The following PLB1 variants were observed in gnomAD, a reference collection of about 807,000 sequenced individuals.
PLB1 encodes the protein phospholipase B1.
In PLB1, 242 loss-of-function variants were observed where a neutral mutation model predicts 227.4. The ratio of observed to expected loss-of-function variants is 1.06; its 90% CI spans 0.96 to 1.18. PLB1 has a LOEUF of 1.18. Among genes scored for constraint, PLB1 ranks in the 50% most tolerant of loss-of-function variants. The pLI is 0.00. For synonymous variants in PLB1, 757 were observed against 682.2 expected (o/e 1.11, Z -1.71); for missense variants, 1,858 against 1,816.3 (o/e 1.02, Z -0.42).
chr2:28,609,069 C>T (rs1475486779), intron 43 of PLB1, among the ~76,000 whole-genome samples: 1 of 152,142 alleles, frequency 6.6e-6, no homozygotes, highest in Non-Finnish European at 1.5e-5. Context: ...GCATGCACCA[C>T]CATGCCCAGC....
chr2:28,563,688 C>T (rs902793121), intron 18 of PLB1, among the ~76,000 whole-genome samples: 1 of 152,112 alleles, frequency 6.6e-6, no homozygotes, highest in African/African-American at 2.4e-5. Context: ...AAAGCACTAT[C>T]CATGAAAAGC....
intron 57 of PLB1, among the ~76,000 whole-genome samples, chr2:28,641,766 C>T (rs1169702678): frequency 1.3e-5 from 2 of 152,082 alleles, no homozygotes; most frequent in African/African-American, 4.8e-5. Flanking sequence ...ACCTTCGAAG[C>T]CTGTGACTTG....
At chr2:28,532,927 A>G (rs565060001) in intron 9 of PLB1, among the ~76,000 whole-genome samples, 1 of 152,230 alleles carries the variant, frequency 6.6e-6, no homozygotes, top group South Asian at 2.1e-4. Flanking sequence ...TCAGATTAGG[A>G]TCAGTTGAAA....
At chr2:28,582,256 T>C (rs1680155268) in intron 24 of PLB1, 123 bp downstream of exon 24, 2 of 1,247,922 alleles carry the variant, frequency 1.6e-6, no homozygotes, top group Non-Finnish European at 2.3e-6. Flanking sequence ...CCCAAATGCA[T>C]AGAGGGGGAG....
Position 28,541,790 on chromosome 2 carries a change from G to C in PLB1, c.858G>C (p.Glu286Asp). The C allele has an allele frequency of 6.2e-7, 1 of 1,612,492 alleles. No individual in the cohort carries two copies. ...TGGTTTTCCAGCCTTTCTTCTATGAGACCACCCCATCTCTACACTCGGTAA... is the reference window on the plus strand; with the variant it reads ...TGGTTTTCCAGCCTTTCTTCTATGACACCACCCCATCTCTACACTCGGTAA... ...FTVVFQPFFY[E>D]TTPSLHSEDP... is the part of the protein sequence containing the mutation. Residue 286 changes from glutamate to aspartate, a missense_variant, in exon 13 of 58, where the codon GAG becomes GAC. Glu to Asp is a conservative substitution (Grantham distance 45). Transcript: ENST00000327757.
At chr2:28,583,280 G>T (rs1680356936) in intron 25 of PLB1, among the ~76,000 whole-genome samples, 2 of 151,936 alleles carry the variant, frequency 1.3e-5, no homozygotes, top group Non-Finnish European at 2.9e-5. Flanking sequence ...CCGCCTCCCA[G>T]GTTCAAGCAA....
intron 18 of PLB1, among the ~76,000 whole-genome samples, chr2:28,564,223 C>T (rs1341399965): frequency 6.6e-6 from 1 of 152,208 alleles, no homozygotes; most frequent in African/African-American, 2.4e-5. Context: ...GGCTGGACAA[C>T]AGAGCAAGGC....
At position 28,644,103 on chromosome 2, in the gene PLB1, T is replaced by C. The variant is rs1171358050; in HGVS notation, c.*1042T>C. The stretch of plus-strand genomic sequence containing the variant: ...AATGATTAATTGTGTATCATGTGAA[T>C]TTCACTTCAATAAAAAAGAATCCAG... On this transcript the variant is annotated 3_prime_UTR_variant, in exon 58 of 58. Coordinates refer to ENST00000327757, the MANE Select transcript of PLB1 (RefSeq NM_153021.5). 2.0e-5 allele frequency among the ~76,000 whole-genome samples: 3 copies of C among 152,200 alleles called. No individual in the cohort carries two copies. The highest frequency in any genetic ancestry group is 4.4e-5 in the Non-Finnish European group (3 of 68,026).
chr2:28,621,075 C>T, intron 49 of PLB1, 97 bp downstream of exon 49: 1 of 989,784 alleles, frequency 1.0e-6, no homozygotes, highest in Non-Finnish European at 1.5e-6. Context: ...GAAGCCTGGT[C>T]CCAGGGGCAA....
At chr2:28,518,726 G>A (rs544989120) in intron 3 of PLB1, among the ~76,000 whole-genome samples, 194 bp downstream of exon 3, 25 of 152,306 alleles carry the variant, frequency 1.6e-4, no homozygotes, top group African/African-American at 5.5e-4. Context: ...TTGGATGAGG[G>A]TAATCTCCAG....
In PLB1 at chr2:28,516,795, T is replaced by C. The variant is rs767533719; in HGVS notation, c.56-13T>C. 1 of 1,610,534 alleles carries C rather than the reference T, an allele frequency of 6.2e-7. No individual in the cohort carries two copies. Among genetic ancestry groups the C allele is most frequent in the Non-Finnish European group, 8.5e-7 (1 of 1,176,916 alleles). ...CCAGCTAAATAACTTGAACTATTTC[T>C]GCTTTCTTTCAGGGACCCCTCAGAT... On this transcript the variant is annotated splice_polypyrimidine_tract_variant and intron_variant, in intron 1 of 57. Coordinates refer to ENST00000327757, the MANE Select transcript of PLB1 (RefSeq NM_153021.5).
intron 13 of PLB1, among the ~76,000 whole-genome samples, chr2:28,542,775 A>C (rs1051566687): frequency 5.3e-5 from 8 of 152,152 alleles, no homozygotes; most frequent in Non-Finnish European, 1.0e-4. Flanking sequence ...CGTGTCTGGG[A>C]ACAGTCCCTC....
intron 4 of PLB1, 42 bp from the exon 5 acceptor site, chr2:28,525,225 C>T: frequency 6.2e-7 from 1 of 1,600,666 alleles, no homozygotes; most frequent in Non-Finnish European, 8.5e-7. Context: ...GAGGCTCTGC[C>T]ACCTCCCCTG....
intron 6 of PLB1, among the ~76,000 whole-genome samples, chr2:28,526,656 T>G (rs1021204334): frequency 6.6e-6 from 1 of 152,086 alleles, no homozygotes; most frequent in Non-Finnish European, 1.5e-5. Context: ...TGCTCATAAA[T>G]CAAGAATAAG....
At chr2:28,597,258 CG>C (rs929242817) in intron 33 of PLB1, among the ~76,000 whole-genome samples, 1 of 136,242 alleles carries the variant, frequency 7.3e-6, no homozygotes, top group East Asian at 2.0e-4. Flanking sequence ...AGCAAGACTC[CG>C]TCTCGAAAAA....
intron 1 of PLB1, among the ~76,000 whole-genome samples, chr2:28,516,105 G>C (rs1668819731): frequency 6.6e-6 from 1 of 152,096 alleles, no homozygotes; most frequent in Admixed American, 6.5e-5. Flanking sequence ...TATAATTTGT[G>C]TAGATAAAAA....
At chr2:28,568,356 G>A (rs1399145380) in intron 20 of PLB1, among the ~76,000 whole-genome samples, 1 of 152,204 alleles carries the variant, frequency 6.6e-6, no homozygotes, top group Non-Finnish European at 1.5e-5. Context: ...TTTCACCAAA[G>A]TAATTTACAA....
chr2:28,606,154 A>G (rs1684646264), intron 42 of PLB1, among the ~76,000 whole-genome samples: 1 of 152,160 alleles, frequency 6.6e-6, no homozygotes, highest in African/African-American at 2.4e-5. Flanking sequence ...TTGAACTCTG[A>G]GGAGGGACCT....
chr2:28,618,645 C>G (rs956906812), intron 46 of PLB1, among the ~76,000 whole-genome samples: 15 of 152,184 alleles, frequency 9.9e-5, no homozygotes, highest in African/African-American at 3.4e-4. Flanking sequence ...GAAGCAATCC[C>G]CGCCTTCCCC....
Sources: allele counts gnomAD v4.1 joint callset (sites outside exome capture counted in the v4.1 genomes callset), GRCh38; gene constraint gnomAD v4.1.1; transcripts MANE v1.5; gene names NCBI Gene and HGNC (gene_info 2026-07-23, HGNC 2026-07-21).